The following MGAT4C variants were observed in gnomAD, a reference collection of about 807,000 sequenced individuals.
The protein encoded by MGAT4C is MGAT4 family member C.
MGAT4C carries 19 observed loss-of-function variants against 40.1 expected under a neutral mutation model. That is an observed-to-expected ratio of 0.47 (90% CI 0.33 to 0.70). The LOEUF is 0.70. MGAT4C is among the 30% of genes least tolerant of loss of function. The pLI, the probability that MGAT4C is intolerant of heterozygous loss-of-function variation, is 0.02. For missense variants in MGAT4C, 491 were observed against 563.2 expected (o/e 0.87, Z 1.30); for synonymous variants, 181 against 187.1 (o/e 0.97, Z 0.27).
At chr12:85,994,190 T>A (rs1886324587) in intron 2 of MGAT4C, among the ~76,000 whole-genome samples, 1 of 152,194 alleles carries the variant, frequency 6.6e-6, no homozygotes, top group Non-Finnish European at 1.5e-5. Flanking sequence ...CCCCAGGATA[T>A]AATTCCCAAG....
chr12:86,333,856 A>G (rs1376228581), intron 4 of MGAT4C, among the ~76,000 whole-genome samples: 4 of 152,202 alleles, frequency 2.6e-5, no homozygotes, highest in African/African-American at 9.6e-5. Flanking sequence ...CAAATACATT[A>G]TCTTCTTCAG....
At chr12:86,513,756 G>A (rs1388591202) in intron 2 of MGAT4C, among the ~76,000 whole-genome samples, 2 of 152,036 alleles carry the variant, frequency 1.3e-5, no homozygotes, top group African/African-American at 4.8e-5. Context: ...CTGGAAATGA[G>A]CCAAAGTCTT....
intron 1 of MGAT4C, among the ~76,000 whole-genome samples, chr12:86,821,767 T>C (rs1033551323): frequency 4.0e-5 from 6 of 151,004 alleles, no homozygotes; most frequent in African/African-American, 1.4e-4. Context: ...GGTTTAGTAG[T>C]GTCTAATCAA....
Position 85,956,810 on chromosome 12 carries a change from C to T in MGAT4C, c.*22479G>A, listed in dbSNP as rs1432942416. On this transcript the variant is annotated 3_prime_UTR_variant, in exon 5 of 5. Coordinates refer to ENST00000611864, the MANE Select transcript of MGAT4C (RefSeq NM_001351288.2). ...ATTTATGACATGAGATTGAAGGTGA[C>T]TCTGAATCAACAGAATTTTATTTTT... 1 of 152,172 alleles carries T rather than the reference C, an allele frequency of 6.6e-6. No individual in the cohort carries two copies. The highest frequency in any genetic ancestry group is 2.4e-5 in the African/African-American group (1 of 41,462). 9.4% of individuals were successfully genotyped at this position (152,172 alleles called of 1,614,324 possible).
chr12:86,363,972 T>A lies in MGAT4C; in HGVS notation c.-119-29845A>T, dbSNP rs3047007. ...CTTTCTCACTCTCTCTCTCTCTCTC[T>A]CACACACACACACACACACAGAGAC... On this transcript the variant is annotated intron_variant, in intron 3 of 7. Coordinates refer to the MGAT4C transcript ENST00000548651. 8.5e-3 allele frequency among the ~76,000 whole-genome samples: 1,265 copies of A among 148,760 alleles called. 22 individuals carry two copies. Among genetic ancestry groups the A allele is most frequent in the African/African-American group, 0.029 (1,156 of 40,560 alleles).
At chr12:86,714,959 C>T (rs1950621303) in intron 2 of MGAT4C, among the ~76,000 whole-genome samples, 1 of 151,950 alleles carries the variant, frequency 6.6e-6, no homozygotes, top group Non-Finnish European at 1.5e-5. Context: ...TGAACAGAAA[C>T]TTTTCTTAAG....
intron 1 of MGAT4C, among the ~76,000 whole-genome samples, chr12:86,075,391 A>T (rs1271153333): frequency 6.6e-6 from 1 of 152,048 alleles, no homozygotes; most frequent in African/African-American, 2.4e-5. Context: ...TTTGCAGGGT[A>T]CAGCCTCCCT....
intron 2 of MGAT4C, among the ~76,000 whole-genome samples, chr12:86,445,410 C>A (rs1957316165): frequency 6.6e-6 from 1 of 152,046 alleles, no homozygotes. Flanking sequence ...ATAATCATTT[C>A]AAGATTTGAG....
Position 86,363,686 on chromosome 12 carries a change from G to A in MGAT4C, c.-119-29559C>T, listed in dbSNP as rs552224895. On this transcript the variant is annotated intron_variant, in intron 3 of 7. Transcript: ENST00000548651. ...GAACCAAAAGCTACTTCTTTGAAAA[G>A]TTTGATAATTTGATAATATTGAAAA... Among the ~76,000 whole-genome samples, 12 of 152,040 alleles carry A rather than the reference G, an allele frequency of 7.9e-5. No homozygotes were observed. In the East Asian group the frequency reaches 2.3e-3, roughly 29 times the overall value.
At chr12:86,161,475 C>A (rs984426290) in intron 1 of MGAT4C, among the ~76,000 whole-genome samples, 2 of 152,054 alleles carry the variant, frequency 1.3e-5, no homozygotes, top group African/African-American at 4.8e-5. Context: ...TGAAGCTGGA[C>A]CCTACCTTTC....
intron 2 of MGAT4C, among the ~76,000 whole-genome samples, chr12:86,671,240 CTA>C (rs1414905108): frequency 6.6e-6 from 1 of 152,142 alleles, no homozygotes; most frequent in African/African-American, 2.4e-5. Context: ...TTTTTATACT[CTA>C]TTTTCACATT....
intron 2 of MGAT4C, among the ~76,000 whole-genome samples, chr12:86,034,276 T>C (rs1172806568): frequency 3.3e-5 from 5 of 149,700 alleles, no homozygotes. Flanking sequence ...TAGAATGAGT[T>C]AGGAAGGAGT....
chr12:86,515,813 GCTCACTGCAAGCTCCGCCTCC>G (rs937115171), intron 2 of MGAT4C, among the ~76,000 whole-genome samples: 7 of 148,750 alleles, frequency 4.7e-5, no homozygotes, highest in Non-Finnish European at 8.9e-5. Flanking sequence ...CGCGATCTCA[GCTCACTGCAAGCTCCGCCTCC>G]CGGGTTCATA....
chr12:86,152,462 A>C (rs1473278201), intron 1 of MGAT4C, among the ~76,000 whole-genome samples: 1 of 152,182 alleles, frequency 6.6e-6, no homozygotes, highest in East Asian at 1.9e-4. Context: ...TCCATCCCTG[A>C]GGATTCTGCC....
intron 1 of MGAT4C, among the ~76,000 whole-genome samples, chr12:86,831,371 T>C (rs2136236374): frequency 6.6e-6 from 1 of 151,860 alleles, no homozygotes; most frequent in South Asian, 2.1e-4. Context: ...ACAAATCCTA[T>C]ACACTTCAGG....
intron 2 of MGAT4C, among the ~76,000 whole-genome samples, chr12:86,482,112 T>A (rs933324736): frequency 7.5e-6 from 1 of 133,878 alleles, no homozygotes; most frequent in East Asian, 2.1e-4. Flanking sequence ...AAGCAAGTCT[T>A]CTTTTTCAAA....
chr12:86,041,701 GC>G (rs1891867410), intron 2 of MGAT4C, among the ~76,000 whole-genome samples: 1 of 152,108 alleles, frequency 6.6e-6, no homozygotes. Context: ...GTGTGATTTT[GC>G]TTTTTTAGAT....
chr12:86,352,956 A>T (rs1955202840), intron 3 of MGAT4C, among the ~76,000 whole-genome samples: 1 of 151,746 alleles, frequency 6.6e-6, no homozygotes, highest in Non-Finnish European at 1.5e-5. Flanking sequence ...AACATGGCAC[A>T]TGTATACATA....
intron 2 of MGAT4C, among the ~76,000 whole-genome samples, chr12:86,541,432 G>T (rs894102338): frequency 6.6e-6 from 1 of 152,000 alleles, no homozygotes; most frequent in Non-Finnish European, 1.5e-5. Flanking sequence ...TCAAAATACT[G>T]ATTTAAAAGT....
Sources: gnomAD v4.1 joint callset for allele counts (sites outside exome capture counted in the v4.1 genomes callset) on GRCh38, gnomAD v4.1.1 for gene constraint, MANE v1.5 for transcripts, NCBI Gene and HGNC (gene_info 2026-07-23, HGNC 2026-07-21) for gene names.